HMG20A: variants seen among roughly 807,000 people sequenced by gnomAD.
The protein encoded by HMG20A is high mobility group protein 20A.
Under a neutral mutation model 43.9 loss-of-function variants are expected in HMG20A, and 17 were observed. That is an observed-to-expected ratio of 0.39 (90% confidence interval 0.27 to 0.58). The LOEUF (loss-of-function observed/expected upper bound fraction) is 0.58, where lower values mean the gene tolerates loss of function less well. Ranked by LOEUF, HMG20A falls within the 20% of genes least tolerant of loss-of-function variation. The pLI is 0.59. For missense variants in HMG20A, 341 were observed against 438.2 expected (o/e 0.78, Z 1.98); for synonymous variants, 132 against 147.5 (o/e 0.89, Z 0.76).
At chr15:77,480,833 C>A (rs2142364820) in intron 9 of HMG20A, among the ~76,000 whole-genome samples, 1 of 151,486 alleles carries the variant, frequency 6.6e-6, no homozygotes, top group African/African-American at 2.4e-5. Context: ...TAGGATACCC[C>A]TTTACTATGC....
chr15:77,474,033 G>A (rs1055199520), intron 6 of HMG20A, among the ~76,000 whole-genome samples: 2 of 152,146 alleles, frequency 1.3e-5, no homozygotes, highest in Non-Finnish European at 2.9e-5. Context: ...TTTTAAAACT[G>A]TTTTTAAACA....
chr15:77,425,192 C>T (rs112460269), intron 1 of HMG20A, among the ~76,000 whole-genome samples: 1 of 152,192 alleles, frequency 6.6e-6, no homozygotes, highest in African/African-American at 2.4e-5. Context: ...ACCTTTCTTA[C>T]AGCACTTACT....
At chr15:77,478,272 T>A (rs756552199) in intron 7 of HMG20A, 23 bp from the exon 8 acceptor site, 4 of 1,611,224 alleles carry the variant, frequency 2.5e-6, no homozygotes, top group Non-Finnish European at 3.4e-6. Flanking sequence ...GCTGCATGTG[T>A]TCTGTGGGAT....
the HMG20A span, among the ~76,000 whole-genome samples, chr15:77,498,354 G>A: frequency 6.6e-6 from 1 of 152,320 alleles, no homozygotes; most frequent in Admixed American, 6.5e-5. Flanking sequence ...ATCTAGGCAC[G>A]TCTAGAGCTC....
chr15:77,444,583 T>C (rs1407538787), intron 1 of HMG20A, among the ~76,000 whole-genome samples: 3 of 152,222 alleles, frequency 2.0e-5, no homozygotes, highest in Non-Finnish European at 4.4e-5. Context: ...TAACCACTTG[T>C]TCTGAATTAC....
intron 9 of HMG20A, among the ~76,000 whole-genome samples, chr15:77,480,802 A>G (rs1302747189): frequency 6.9e-6 from 1 of 144,942 alleles, no homozygotes; most frequent in Non-Finnish European, 1.5e-5. Flanking sequence ...ATTGGTATTT[A>G]TTCATTCAAA....
chr15:77,470,754 C>T (rs2072799409), intron 4 of HMG20A, among the ~76,000 whole-genome samples, 156 bp from the exon 5 acceptor site: 2 of 152,170 alleles, frequency 1.3e-5, no homozygotes, highest in African/African-American at 2.4e-5. Context: ...TTATTCTATT[C>T]ATACAACTCT....
chr15:77,466,399 A>T (rs2072757223), intron 3 of HMG20A, among the ~76,000 whole-genome samples: 1 of 152,196 alleles, frequency 6.6e-6, no homozygotes, highest in South Asian at 2.1e-4. Flanking sequence ...AAATTAAAAT[A>T]AAATGTACAT....
chr15:77,479,376 T>C, intron 9 of HMG20A, 55 bp downstream of exon 9: 1 of 1,548,092 alleles, frequency 6.5e-7, no homozygotes, highest in Non-Finnish European at 8.8e-7. Flanking sequence ...AAATAAGATG[T>C]CATCAGACTT....
chr15:77,431,236 G>A (rs1189104537), intron 1 of HMG20A, among the ~76,000 whole-genome samples: 1 of 151,778 alleles, frequency 6.6e-6, no homozygotes, highest in African/African-American at 2.4e-5. Flanking sequence ...TTTTGAGATG[G>A]AGTCTCCCTC....
At chr15:77,446,106 G>A (rs2073670876) in intron 1 of HMG20A, among the ~76,000 whole-genome samples, 1 of 152,114 alleles carries the variant, frequency 6.6e-6, no homozygotes, top group Admixed American at 6.5e-5. Context: ...GAGCTGTGTG[G>A]TCCTTCTCAG....
the HMG20A span, among the ~76,000 whole-genome samples, chr15:77,505,282 CAGGT>C: frequency 6.6e-6 from 1 of 152,232 alleles, no homozygotes; most frequent in South Asian, 2.1e-4. Flanking sequence ...CAGAGATTTC[CAGGT>C]TCGAGGTAAA....
rs1325514432 is a variant in HMG20A, at chr15:77,479,196, A to G, written c.925A>G (p.Thr309Ala). ...MPLPGSGETP[T>A]VDTIDSYMNR... The stretch of plus-strand genomic sequence containing the variant: ...CACTTCAGGAAGTGGAGAGACACCT[A>G]CAGTGGACACCATTGACTCATATAT... The change falls in exon 9 of 10, where the codon ACA (threonine) becomes GCA (alanine). Residue 309 changes from threonine to alanine, a missense_variant. Coordinates refer to ENST00000336216, the MANE Select transcript of HMG20A (RefSeq NM_001304504.2). The G allele has an allele frequency of 3.1e-6, 5 of 1,613,878 alleles. No individual in the cohort carries two copies. The highest frequency in any genetic ancestry group is 1.6e-4 in the Middle Eastern group (1 of 6,062).
At chr15:77,447,803 A>C (rs972705128) in intron 1 of HMG20A, 1 of 152,232 alleles carries the variant, frequency 6.6e-6, no homozygotes, top group Non-Finnish European at 1.5e-5. Context: ...TCTTGGTTAC[A>C]TAATGAAGGT....
intron 1 of HMG20A, among the ~76,000 whole-genome samples, chr15:77,431,161 CTTTT>C (rs2073480572): frequency 6.6e-6 from 1 of 152,008 alleles, no homozygotes; most frequent in Non-Finnish European, 1.5e-5. Flanking sequence ...TACAATGTAA[CTTTT>C]TTGTTTGTTT....
chr15:77,460,781 T>G (rs941055408), intron 2 of HMG20A, among the ~76,000 whole-genome samples: 2 of 151,250 alleles, frequency 1.3e-5, no homozygotes, highest in African/African-American at 2.4e-5. Flanking sequence ...AGGTCAGGAG[T>G]TCAAGACCAG....
At chr15:77,425,192 C>A (rs112460269) in intron 1 of HMG20A, among the ~76,000 whole-genome samples, 25 of 152,310 alleles carry the variant, frequency 1.6e-4, no homozygotes, top group African/African-American at 5.5e-4. Flanking sequence ...ACCTTTCTTA[C>A]AGCACTTACT....
At chr15:77,434,146 A>G (rs951219552) in intron 1 of HMG20A, among the ~76,000 whole-genome samples, 3 of 152,146 alleles carry the variant, frequency 2.0e-5, no homozygotes, top group South Asian at 2.1e-4. Context: ...TTTTCATTGA[A>G]TGGTGCCTGG....
In HMG20A at chr15:77,449,061, T is replaced by C. The variant is rs184000918; in HGVS notation, c.-4-9343T>C. ...GAGGCTCGTCTCAAAAATAAATAAATAAATAATAAAATAAAGATCAATAAT... is the reference window on the plus strand; with the variant it reads ...GAGGCTCGTCTCAAAAATAAATAAACAAATAATAAAATAAAGATCAATAAT... On this transcript the variant is annotated intron_variant, in intron 1 of 9. Coordinates refer to ENST00000336216, the MANE Select transcript of HMG20A (RefSeq NM_001304504.2). Among the ~76,000 whole-genome samples, 7 of 151,804 alleles carry C rather than the reference T, an allele frequency of 4.6e-5. 1 individual carries two copies. The highest frequency in any genetic ancestry group is 3.3e-4 in the Admixed American group (5 of 15,212).
Sources: allele counts gnomAD v4.1 joint callset (sites outside exome capture counted in the v4.1 genomes callset), GRCh38; gene constraint gnomAD v4.1.1; transcripts MANE v1.5; gene names NCBI Gene and HGNC (gene_info 2026-07-23, HGNC 2026-07-21).